The following FAM120C variants were observed in gnomAD, a reference collection of about 807,000 sequenced individuals.
The protein encoded by FAM120C is family with sequence similarity 120 member C.
In FAM120C, 14 loss-of-function variants were observed where a neutral mutation model predicts 71.2. The ratio of observed to expected loss-of-function variants is 0.20; its 90% CI spans 0.13 to 0.31. The LOEUF (loss-of-function observed/expected upper bound fraction) is 0.31, where lower values mean the gene tolerates loss of function less well. FAM120C is among the 10% of genes least tolerant of loss of function. The pLI is 1.00. For synonymous variants in FAM120C, 354 were observed against 353.2 expected, an observed-to-expected ratio of 1.00 and a Z score of -0.03; for missense variants, 500 against 879.0, an observed-to-expected ratio of 0.57 and a Z score of 5.45.
At chrX:54,092,232 T>A (rs2066827741) in intron 10 of FAM120C, among the ~76,000 whole-genome samples, 1 of 110,721 alleles carries the variant, frequency 9.0e-6, no homozygotes, top group African/African-American at 3.3e-5. Context: ...GAGGATTAAA[T>A]AGGGTTACTA....
At chrX:54,113,854 T>G (rs1243878637) in intron 10 of FAM120C, among the ~76,000 whole-genome samples, 2 of 110,188 alleles carry the variant, frequency 1.8e-5, no homozygotes, top group Non-Finnish European at 3.8e-5. Context: ...AGGCAGAGAT[T>G]GCGGTGAGCC....
intron 4 of FAM120C, among the ~76,000 whole-genome samples, chrX:54,148,974 GA>G (rs782069457): frequency 9.0e-6 from 1 of 111,066 alleles, no homozygotes; most frequent in South Asian, 3.7e-4. Flanking sequence ...AAAATAAATG[GA>G]AAAAAACCTG....
Position 54,069,108 on chromosome X carries a change from T to G in FAM120C, c.*3925A>C, listed in dbSNP as rs2146546203. 1 of 111,648 alleles carries G rather than the reference T, an allele frequency of 9.0e-6. No individual in the cohort carries two copies. The highest frequency in any genetic ancestry group is 3.2e-5 in the African/African-American group (1 of 30,828). The allele number at this position is 111,648 out of a possible 1,213,427, so 9.2% of individuals were successfully genotyped here. ...TTGGAAAAGATGATTTTGTAAAAAATGACTTTATATTCTTAGAACATCAAA... is the reference window on the plus strand; with the variant it reads ...TTGGAAAAGATGATTTTGTAAAAAAGGACTTTATATTCTTAGAACATCAAA... On this transcript the variant is annotated 3_prime_UTR_variant, in exon 16 of 16. Transcript: ENST00000375180.
In FAM120C at chrX:54,085,856, T is replaced by C; in HGVS notation, c.2698A>G (p.Asn900Asp). The change falls in exon 13 of 16, where the codon AAT (asparagine) becomes GAT (aspartate). Residue 900 changes from asparagine to aspartate, a missense_variant. Transcript: ENST00000375180. Reference protein sequence around the residue: ...RQSILEGVNMNHPPPSALLPS... With the variant: ...RQSILEGVNMDHPPPSALLPS... ...AGTAGAGCAGAAGGCGGTGGATGATTCATGTTGACTCCTTCAAGGATGCTC... is the reference window on the plus strand; with the variant it reads ...AGTAGAGCAGAAGGCGGTGGATGATCCATGTTGACTCCTTCAAGGATGCTC... The C allele has an allele frequency of 8.3e-7, 1 of 1,211,468 alleles. No individual in the cohort carries two copies. The highest frequency in any genetic ancestry group is 1.8e-5 in the South Asian group (1 of 56,989).
At chrX:54,086,052 G>A in intron 12 of FAM120C, 136 bp from the exon 13 acceptor site, 1 of 527,440 alleles carries the variant, frequency 1.9e-6, no homozygotes, top group Non-Finnish European at 3.1e-6. Flanking sequence ...GTCGTTAAAG[G>A]GCTCAAAGCT....
At position 54,073,184 on chromosome X, in the gene FAM120C, T is replaced by C. The variant is rs782183869; in HGVS notation, c.3140A>G (p.Asp1047Gly). The C allele has an allele frequency of 8.3e-7, 1 of 1,211,497 alleles. No homozygotes were observed. Among genetic ancestry groups the C allele is most frequent in the Non-Finnish European group, 1.1e-6 (1 of 895,488 alleles). Residue 1047 changes from aspartate (D) to glycine (G), a missense_variant, in exon 16 of 16, where the codon GAT becomes GGT. Asp to Gly is a moderately conservative substitution (Grantham distance 94, BLOSUM62 -1). Transcript: ENST00000375180. Reference protein sequence around the residue: ...SGALIKEEKSDHRLPAPSQCA... With the variant: ...SGALIKEEKSGHRLPAPSQCA... ...TTGTGATGGAGCTGGAAGACGATGATCACTCTTCTCTTCCTTGATCAATGC... is the reference window on the plus strand; with the variant it reads ...TTGTGATGGAGCTGGAAGACGATGACCACTCTTCTCTTCCTTGATCAATGC...
intron 1 of FAM120C, among the ~76,000 whole-genome samples, chrX:54,176,898 T>A (rs1557136752): frequency 9.0e-6 from 1 of 110,930 alleles, no homozygotes; most frequent in African/African-American, 3.3e-5. Context: ...GAAAAAAATA[T>A]GAGAGAGGTA....
chrX:54,165,872 C>A (rs1353881595), intron 1 of FAM120C, among the ~76,000 whole-genome samples: 1 of 110,141 alleles, frequency 9.1e-6, no homozygotes, highest in Non-Finnish European at 1.9e-5. Flanking sequence ...ATGAAGAAAT[C>A]CAGTAACACC....
At chrX:54,073,643 C>G (rs903906173) in intron 15 of FAM120C, among the ~76,000 whole-genome samples, 1 of 109,714 alleles carries the variant, frequency 9.1e-6, no homozygotes, top group South Asian at 3.9e-4. Flanking sequence ...TGTTGGCCAG[C>G]CTGGTGTCGA....
At chrX:54,110,224 G>A (rs1403887295) in intron 10 of FAM120C, among the ~76,000 whole-genome samples, 1 of 108,034 alleles carries the variant, frequency 9.3e-6, no homozygotes, top group Non-Finnish European at 1.9e-5. Flanking sequence ...TCCTGACCTC[G>A]TGATCTGCCC....
At position 54,136,530 on chromosome X, in the gene FAM120C, T is replaced by C. The variant is rs1557130584; in HGVS notation, c.1219A>G (p.Thr407Ala). 4.1e-6 allele frequency: 5 copies of C among 1,210,968 alleles called. No homozygotes were observed. The South Asian group carries it at 5.3e-5, about 13-fold the overall frequency. The change falls in exon 5 of 16, where the codon ACC (threonine) becomes GCC (alanine). Residue 407 changes from threonine (T) to alanine (A), a missense_variant. Transcript: ENST00000375180. ...KKAVEYYSVTTKLSSLPVGPS... is the reference protein window; with the variant it reads ...KKAVEYYSVTAKLSSLPVGPS... Reference sequence around the variant, plus strand: ...CCCACTGGCAGCGAAGAGAGTTTGGTTGTGACTGAATAATACTCAACTGCT... The same window carrying C: ...CCCACTGGCAGCGAAGAGAGTTTGGCTGTGACTGAATAATACTCAACTGCT...
intron 9 of FAM120C, among the ~76,000 whole-genome samples, chrX:54,129,880 C>T (rs1283453449): frequency 9.1e-6 from 1 of 110,268 alleles, no homozygotes; most frequent in Non-Finnish European, 1.9e-5. Flanking sequence ...ACCAGTCAGG[C>T]GTGGCGGCGC....
rs1203826262 is a variant in FAM120C, at chrX:54,103,653, T to C, written c.2313-12227A>G. 5.4e-5 allele frequency among the ~76,000 whole-genome samples: 6 copies of C among 111,799 alleles called. No homozygotes were observed. In the Admixed American group the frequency reaches 5.8e-4, roughly 11 times the overall value. ...ACGTGTCAAGGATCTTATTCATTATTATCTGCTCTAAAACAATGAGCTGTC... is the reference window on the plus strand; with the variant it reads ...ACGTGTCAAGGATCTTATTCATTATCATCTGCTCTAAAACAATGAGCTGTC... On this transcript the variant is annotated intron_variant, in intron 10 of 15. Coordinates refer to ENST00000375180, the MANE Select transcript of FAM120C (RefSeq NM_017848.6).
Position 54,135,034 on chromosome X carries a change from G to A in FAM120C, c.1413C>T (p.Ser471=), listed in dbSNP as rs1557130214. ...CATGGGATTCCCCCAAAGCATGGGA[G>A]GAGAAGAGAAGAGATGAGTTGGGTC... ...PVGPNSSLLF[S]SHALGESHAF... The change falls in exon 7 of 16, where the codon TCC becomes TCT. Residue 471 remains serine (S), a synonymous_variant. Transcript: ENST00000375180. 2 of 1,211,550 alleles carry A rather than the reference G, an allele frequency of 1.7e-6. No individual in the cohort carries two copies. Among genetic ancestry groups the A allele is most frequent in the African/African-American group, 1.7e-5 (1 of 57,979 alleles).
intron 1 of FAM120C, among the ~76,000 whole-genome samples, chrX:54,172,846 A>G (rs1267813785): frequency 1.8e-5 from 2 of 112,147 alleles, no homozygotes; most frequent in Non-Finnish European, 3.8e-5. Flanking sequence ...GTCTAGGACC[A>G]TACTTTGAGA....
chrX:54,081,094 T>C (rs781829919), intron 14 of FAM120C, among the ~76,000 whole-genome samples: 201 of 108,709 alleles, frequency 1.8e-3, no homozygotes, highest in African/African-American at 6.3e-3. Flanking sequence ...TCACTTGAAC[T>C]CGGGAGGCAG....
At chrX:54,160,001 G>GT (rs1167341165) in intron 1 of FAM120C, among the ~76,000 whole-genome samples, 4 of 107,152 alleles carry the variant, frequency 3.7e-5, no homozygotes, top group Non-Finnish European at 5.8e-5. Context: ...TATTCCCCTG[G>GT]TTTTTTTTTC....
intron 1 of FAM120C, chrX:54,171,586 C>T (rs2067288846): frequency 9.0e-6 from 1 of 111,462 alleles, no homozygotes; most frequent in African/African-American, 3.3e-5. Flanking sequence ...TGGCCTGACA[C>T]ATTTATGTGC....
chrX:54,134,795 A>G, intron 7 of FAM120C, 36 bp downstream of exon 7: 1 of 1,166,423 alleles, frequency 8.6e-7, no homozygotes, highest in Non-Finnish European at 1.1e-6. Context: ...GATGCCTCAG[A>G]AATCTACTTC....
Sources: gnomAD v4.1 joint callset for allele counts (sites outside exome capture counted in the v4.1 genomes callset) on GRCh38, gnomAD v4.1.1 for gene constraint, MANE v1.5 for transcripts, NCBI Gene and HGNC (gene_info 2026-07-23, HGNC 2026-07-21) for gene names.